Variants in INTS2 observed in about 807,000 individuals in gnomAD.
INTS2 encodes the protein KIAA1287.
Under a neutral mutation model 139.6 loss-of-function variants are expected in INTS2, and 57 were observed. The observed-to-expected ratio is 0.41, with a 90% CI of 0.33 to 0.51. The LOEUF is 0.51. Ranked by LOEUF, INTS2 falls within the 20% of genes least tolerant of loss-of-function variation. INTS2 has a pLI of 0.28. For missense variants in INTS2, 1,196 were observed against 1,436.7 expected, an observed-to-expected ratio of 0.83 and a Z score of 2.71; for synonymous variants, 473 against 493.4, an observed-to-expected ratio of 0.96 and a Z score of 0.55.
chr17:61,905,398 C>T (rs374176918), intron 8 of INTS2, among the ~76,000 whole-genome samples: 1 of 152,358 alleles, frequency 6.6e-6, no homozygotes, highest in East Asian at 1.9e-4. Flanking sequence ...ACAATCTCGG[C>T]TCACTGCAAA....
In INTS2 at chr17:61,869,148, C is replaced by T; in HGVS notation, c.3139-9G>A. 1 of 1,560,954 alleles carries T rather than the reference C, an allele frequency of 6.4e-7. No individual in the cohort carries two copies. Among genetic ancestry groups the T allele is most frequent in the Non-Finnish European group, 8.8e-7 (1 of 1,134,270 alleles). On this transcript the variant is annotated splice_polypyrimidine_tract_variant and intron_variant, in intron 22 of 24. Coordinates refer to ENST00000251334, the MANE Select transcript of INTS2 (RefSeq NM_001351695.2). This position sits in a 1 kb window ranked among gnomAD's most constrained non-coding sequence, Gnocchi z 5.4. ...AACTGGATAGCAAATATCTGCAATA[C>T]AAAATCCAGTTATTACATGTTTCTC...
At chr17:61,916,797 G>C (rs960213038) in intron 5 of INTS2, among the ~76,000 whole-genome samples, 1 of 152,132 alleles carries the variant, frequency 6.6e-6, no homozygotes, top group African/African-American at 2.4e-5. Flanking sequence ...AAATTGACAA[G>C]TGTGACCTAT....
In INTS2 at chr17:61,897,310, T is replaced by G. The variant is rs2079359706; in HGVS notation, c.1494+159A>C. On this transcript the variant is annotated intron_variant, in intron 11 of 24. Coordinates refer to ENST00000251334, the MANE Select transcript of INTS2 (RefSeq NM_001351695.2). The surrounding 1 kb of genome is among the most constrained non-coding windows in gnomAD (Gnocchi z 4.4). The stretch of plus-strand genomic sequence containing the variant: ...TTTGCATGAGTATCTATTATTTTAG[T>G]AAATACAGGTTTCAAAATGCATTTT... Among the ~76,000 whole-genome samples the G allele has an allele frequency of 6.6e-6, 1 of 152,198 alleles. No homozygotes were observed. Among genetic ancestry groups the G allele is most frequent in the Admixed American group, 6.5e-5 (1 of 15,274 alleles).
chr17:61,897,857 C>T lies in INTS2; in HGVS notation c.1308-118G>A. The stretch of plus-strand genomic sequence containing the variant: ...TTTTTCCTGCCCTATTTTCAAGTAT[C>T]AAGTCAAATTAAAGGCTTGCTGAAT... On this transcript the variant is annotated intron_variant, in intron 9 of 24. Transcript: ENST00000251334. The surrounding 1 kb of genome is among the most constrained non-coding windows in gnomAD (Gnocchi z 4.4). 1.4e-6 allele frequency: 1 copy of T among 732,302 alleles called. No homozygotes were observed. Among genetic ancestry groups the T allele is most frequent in the Non-Finnish European group, 2.3e-6 (1 of 439,646 alleles). The allele number at this position is 732,302 out of a possible 1,614,324, so 45.4% of individuals were successfully genotyped here. A position where few individuals can be genotyped will look rare whatever the true frequency, so the allele number is the denominator to read the frequency against.
intron 4 of INTS2, chr17:61,921,407 C>T: frequency 6.0e-6 from 1 of 166,572 alleles, no homozygotes; most frequent in Admixed American, 6.3e-5. Flanking sequence ...TTTAACAAAA[C>T]TGGGATTATA....
In INTS2 at chr17:61,872,489, A is replaced by G; in HGVS notation, c.2583-29T>C. 3 of 1,396,630 alleles carry G rather than the reference A, an allele frequency of 2.1e-6. No homozygotes were observed. Among genetic ancestry groups the G allele is most frequent in the East Asian group, 2.4e-5 (1 of 41,812 alleles). The allele number at this position is 1,396,630 out of a possible 1,614,324, so 86.5% of individuals were successfully genotyped here. On this transcript the variant is annotated intron_variant, in intron 19 of 24. Coordinates refer to ENST00000251334, the MANE Select transcript of INTS2 (RefSeq NM_001351695.2). The surrounding 1 kb of genome is among the most constrained non-coding windows in gnomAD (Gnocchi z 4.8). ...AACAAGGAAAGCAGAAAAGAAAAAT[A>G]TATCAGAAAGAATATAAATTTATAA... is the stretch of plus-strand genomic sequence containing the variant.
intron 9 of INTS2, among the ~76,000 whole-genome samples, chr17:61,898,738 C>T (rs532245192): frequency 6.6e-6 from 1 of 152,278 alleles, no homozygotes; most frequent in Non-Finnish European, 1.5e-5. Flanking sequence ...CTCAGCCTCC[C>T]GAATAGCTGG....
chr17:61,881,110 A>G lies in INTS2; in HGVS notation c.2151T>C (p.Asp717=). 2 of 1,613,656 alleles carry G rather than the reference A, an allele frequency of 1.2e-6. No individual in the cohort carries two copies. The highest frequency in any genetic ancestry group is 1.7e-6 in the Non-Finnish European group (2 of 1,179,546). Residue 717 remains aspartate, a synonymous_variant, in exon 17 of 25, where the codon GAT becomes GAC. Transcript: ENST00000251334. ...TGATTTCTTCTTCACAAATCCAGTC[A>G]TCCACAATACATAAATGTGGGTAGT... is the stretch of plus-strand genomic sequence containing the variant. ...ATNYPHLCIV[D]DWICEEEITG...
intron 15 of INTS2, among the ~76,000 whole-genome samples, chr17:61,887,136 C>T (rs1323928644): frequency 1.3e-5 from 2 of 152,102 alleles, no homozygotes; most frequent in East Asian, 3.9e-4. Flanking sequence ...GTAAAATAAA[C>T]GTAACCACAC....
intron 5 of INTS2, among the ~76,000 whole-genome samples, chr17:61,914,510 T>C (rs796851083): frequency 3.9e-5 from 6 of 152,196 alleles, no homozygotes; most frequent in African/African-American, 1.4e-4. Context: ...CCATCCTGGC[T>C]AACACGGTGA....
rs1163285646 is a variant in INTS2, at chr17:61,911,743, C to T, written c.781-50G>A. The T allele has an allele frequency of 5.2e-6, 8 of 1,548,632 alleles. 1 individual carries two copies. The South Asian group carries it at 7.1e-5, about 14-fold the overall frequency. On this transcript the variant is annotated intron_variant, in intron 6 of 24. Coordinates refer to ENST00000251334, the MANE Select transcript of INTS2 (RefSeq NM_001351695.2). Reference sequence around the variant, plus strand: ...GAATTCAGTATCATAAGCAAAAAGGCCAGTGATGCTTCCAAATCTAAAGTA... The same window carrying T: ...GAATTCAGTATCATAAGCAAAAAGGTCAGTGATGCTTCCAAATCTAAAGTA...
At chr17:61,900,142 C>T (rs1423143584) in intron 9 of INTS2, among the ~76,000 whole-genome samples, 3 of 152,078 alleles carry the variant, frequency 2.0e-5, no homozygotes, top group Non-Finnish European at 4.4e-5. Context: ...TAAATGGAAA[C>T]GGACTCAGCA....
At chr17:61,910,182 A>G (rs2079511776) in intron 7 of INTS2, 1 of 152,246 alleles carries the variant, frequency 6.6e-6, no homozygotes, top group Non-Finnish European at 1.5e-5. Context: ...TCAGGTAGCC[A>G]GAAAGGGTAA....
intron 12 of INTS2, 30 bp downstream of exon 12, chr17:61,895,285 A>G (rs1252215820): frequency 7.6e-7 from 1 of 1,314,644 alleles, no homozygotes; most frequent in East Asian, 2.5e-5. Flanking sequence ...AAAGAAAGTT[A>G]AATAAGTACC....
intron 8 of INTS2, 83 bp downstream of exon 8, chr17:61,907,325 T>A: frequency 8.5e-7 from 1 of 1,177,704 alleles, no homozygotes; most frequent in Non-Finnish European, 1.2e-6. Flanking sequence ...ATCCTCTGAA[T>A]AAAAGGCCTT....
At position 61,912,068 on chromosome 17, in the gene INTS2, A is replaced by C; in HGVS notation, c.652T>G (p.Cys218Gly). 6.2e-7 allele frequency: 1 copy of C among 1,612,880 alleles called. No homozygotes were observed. Among genetic ancestry groups the C allele is most frequent in the Non-Finnish European group, 8.5e-7 (1 of 1,179,454 alleles). ...ANVPDSFNEV[C>G]RGLIKNGERQ... is the part of the protein sequence containing the mutation. ...TCTCCATTTTTTATCAGGCCCCTACAAACTAACATGATAGAAACCATCTTC... is the reference window on the plus strand; with the variant it reads ...TCTCCATTTTTTATCAGGCCCCTACCAACTAACATGATAGAAACCATCTTC... Residue 218 changes from cysteine (C) to glycine (G), a missense_variant and splice_region_variant, in exon 6 of 25, where the codon TGT becomes GGT. By Grantham distance (159) the Cys-to-Gly change is radical. This residue lies in a region of INTS2 where 1,129 missense variants were observed against 1,341.9 expected (regional missense o/e 0.84). Transcript: ENST00000251334.
intron 13 of INTS2, among the ~76,000 whole-genome samples, chr17:61,892,789 TAAA>T (rs560376968): frequency 7.4e-6 from 1 of 134,262 alleles, no homozygotes; most frequent in African/African-American, 2.7e-5. Flanking sequence ...TACTAAAAAT[TAAA>T]AAAAAAAAAA....
chr17:61,903,174 GAAAAAAAAAA>G (rs551514700), intron 9 of INTS2, among the ~76,000 whole-genome samples: 3 of 59,984 alleles, frequency 5.0e-5, no homozygotes, highest in Middle Eastern at 9.6e-3. Context: ...CTCAAAAAAG[GAAAAAAAAAA>G]AAAAAAAAAG....
Position 61,926,435 on chromosome 17 carries a change from C to T in INTS2, c.210G>A (p.Val70=). ...KKLILRLLSG[V]EAVNSIVALL... is the part of the protein sequence containing the mutation. ...ATGCAACAATGGAGTTGACAGCTTC[C>T]ACTCCAGAAAGAAGGCGAAGGATGA... is the stretch of plus-strand genomic sequence containing the variant. Residue 70 remains valine (V), a synonymous_variant, in exon 2 of 25, where the codon GTG becomes GTA. Coordinates refer to ENST00000251334, the MANE Select transcript of INTS2 (RefSeq NM_001351695.2). 1 of 1,613,846 alleles carries T rather than the reference C, an allele frequency of 6.2e-7. No homozygotes were observed. Among genetic ancestry groups the T allele is most frequent in the Non-Finnish European group, 8.5e-7 (1 of 1,179,784 alleles).
Sources: allele counts gnomAD v4.1 joint callset (sites outside exome capture counted in the v4.1 genomes callset), GRCh38; gene constraint gnomAD v4.1.1; regional missense constraint gnomAD v4.1.1; non-coding constraint Gnocchi (gnomAD v3.1); transcripts MANE v1.5; gene names NCBI Gene and HGNC (gene_info 2026-07-23, HGNC 2026-07-21).